WWOX: variants seen among roughly 807,000 people sequenced by gnomAD.
WWOX encodes WW domain containing oxidoreductase.
In WWOX, 69 loss-of-function variants were observed where a neutral mutation model predicts 46.2. The ratio of observed to expected loss-of-function variants is 1.49; its 90% CI spans 1.23 to 1.82. WWOX has a LOEUF of 1.82. WWOX is among the 40% of genes most tolerant of loss of function. WWOX has a pLI of 0.00. For missense variants in WWOX, 919 were observed against 542.6 expected (o/e 1.69, Z -6.89); for synonymous variants, 359 against 202.6 (o/e 1.77, Z -6.56).
chr16:78,442,281 C>G (rs2083462182), intron 8 of WWOX, among the ~76,000 whole-genome samples: 1 of 152,220 alleles, frequency 6.6e-6, no homozygotes, highest in Non-Finnish European at 1.5e-5. Flanking sequence ...GTGGCAAGAA[C>G]ATTGAAAGTC....
chr16:79,206,192 G>C (rs1399890491), intron 8 of WWOX: 1 of 152,172 alleles, frequency 6.6e-6, no homozygotes, highest in African/African-American at 2.4e-5. Flanking sequence ...TTTCATTTTA[G>C]GCCATGTTAG....
chr16:78,278,777 T>C (rs2079626541), intron 5 of WWOX: 1 of 921,212 alleles, frequency 1.1e-6, no homozygotes, highest in African/African-American at 1.7e-5. Context: ...ACATGTACGA[T>C]TTGCAACAAC....
intron 8 of WWOX, among the ~76,000 whole-genome samples, chr16:79,007,468 G>A (rs1336267014): frequency 6.6e-6 from 1 of 152,226 alleles, no homozygotes. Context: ...CCAGGGGATT[G>A]TTAGTAACTG....
At chr16:78,897,217 C>T (rs1465034951) in intron 8 of WWOX, 1 of 113,940 alleles carries the variant, frequency 8.8e-6, no homozygotes, top group Non-Finnish European at 1.6e-5. Flanking sequence ...GCACTCTAGC[C>T]TGGGTGACAG....
intron 8 of WWOX, among the ~76,000 whole-genome samples, chr16:79,067,714 C>A (rs193105204): frequency 6.6e-6 from 1 of 152,120 alleles, no homozygotes; most frequent in Non-Finnish European, 1.5e-5. Flanking sequence ...AGAAGGTAAA[C>A]TCATCTGCAG....
intron 8 of WWOX, among the ~76,000 whole-genome samples, chr16:79,181,806 C>T (rs1425982774): frequency 6.6e-6 from 1 of 152,194 alleles, no homozygotes; most frequent in East Asian, 1.9e-4. Flanking sequence ...AACAATCCCA[C>T]TGCAGGTTTA....
At chr16:79,018,494 C>T (rs1472756683) in intron 8 of WWOX, among the ~76,000 whole-genome samples, 1 of 152,064 alleles carries the variant, frequency 6.6e-6, no homozygotes, top group African/African-American at 2.4e-5. Flanking sequence ...TCTACACAGA[C>T]CCAAGAGGAG....
At chr16:78,999,200 G>C (rs1213959867) in intron 8 of WWOX, among the ~76,000 whole-genome samples, 2 of 151,776 alleles carry the variant, frequency 1.3e-5, no homozygotes, top group African/African-American at 4.8e-5. Context: ...GCCAGGGGCA[G>C]CGGGTCATAC....
rs762256942 is a variant in WWOX, at chr16:78,711,657, C to T, written c.1056+278905C>T. Among the ~76,000 whole-genome samples, 13 of 152,192 alleles carry T rather than the reference C, an allele frequency of 8.5e-5. No individual in the cohort carries two copies. The East Asian group carries it at 9.7e-4, about 11-fold the overall frequency. On this transcript the variant is annotated intron_variant, in intron 8 of 8. Coordinates refer to ENST00000566780, the MANE Select transcript of WWOX (RefSeq NM_016373.4). ...CATCGTCTGATAAATGTATTTGAGA[C>T]GAACAGGCCAAATGAAAGAACCTTC... is the stretch of plus-strand genomic sequence containing the variant.
At chr16:78,186,621 C>T (rs576324002) in intron 5 of WWOX, among the ~76,000 whole-genome samples, 130 of 152,174 alleles carry the variant, frequency 8.5e-4, no homozygotes, top group African/African-American at 2.8e-3. Flanking sequence ...AAAAGTTAGC[C>T]GGGCGTGGTG....
intron 8 of WWOX, among the ~76,000 whole-genome samples, chr16:79,025,535 C>G (rs1230924976): frequency 2.0e-5 from 3 of 152,146 alleles, no homozygotes; most frequent in East Asian, 1.9e-4. Flanking sequence ...CCAGGGAGCA[C>G]TGAGGGCTGC....
chr16:78,713,099 C>A (rs986086398), intron 8 of WWOX, among the ~76,000 whole-genome samples: 1 of 151,430 alleles, frequency 6.6e-6, no homozygotes, highest in South Asian at 2.1e-4. Context: ...GGGAGACCCT[C>A]ATCTCTACAC....
intron 8 of WWOX, among the ~76,000 whole-genome samples, chr16:78,524,836 T>TG (rs946972505): frequency 1.3e-5 from 2 of 149,920 alleles, no homozygotes; most frequent in Non-Finnish European, 3.0e-5. Flanking sequence ...TTTTTTTTTT[T>TG]AAAGAATGCG....
At chr16:79,192,120 G>A (rs1249672907) in intron 8 of WWOX, among the ~76,000 whole-genome samples, 7 of 152,170 alleles carry the variant, frequency 4.6e-5, no homozygotes, top group East Asian at 1.9e-4. Context: ...TTAACACCTC[G>A]TGTAATATTA....
rs753862961 is a variant in WWOX at position 78,108,514 on chromosome 16, T to C, written c.172+27T>C. ...TTTGTATGTTGTTGTCTAAGGATCT[T>C]GGATGGAAGCATTAAGTAGATGAGG... On this transcript the variant is annotated intron_variant, in intron 2 of 8. Coordinates refer to ENST00000566780, the MANE Select transcript of WWOX (RefSeq NM_016373.4). The C allele has an allele frequency of 5.0e-6, 8 of 1,612,672 alleles. 1 individual carries two copies. The highest frequency in any genetic ancestry group is 1.7e-4 in the Middle Eastern group (1 of 6,056).
chr16:78,355,610 AT>A (rs2081269526), intron 5 of WWOX: 1 of 558,914 alleles, frequency 1.8e-6, no homozygotes, highest in East Asian at 4.4e-5. Context: ...AGAGGAGCGA[AT>A]TTGTGTGAAA....
chr16:78,225,142 C>G (rs1481145541), intron 5 of WWOX, among the ~76,000 whole-genome samples: 1 of 152,136 alleles, frequency 6.6e-6, no homozygotes, highest in Non-Finnish European at 1.5e-5. Context: ...GATGGATAGC[C>G]TACTACACAT....
intron 4 of WWOX, among the ~76,000 whole-genome samples, chr16:78,131,956 T>A (rs1597245112): frequency 6.6e-6 from 1 of 151,420 alleles, no homozygotes; most frequent in East Asian, 1.9e-4. Flanking sequence ...AAAGAACTTT[T>A]GCTATTTTGA....
intron 8 of WWOX, among the ~76,000 whole-genome samples, chr16:78,698,135 TTC>T (rs1412957937): frequency 6.6e-6 from 1 of 152,224 alleles, no homozygotes; most frequent in Non-Finnish European, 1.5e-5. Flanking sequence ...GAGGTTTCTC[TTC>T]TATGAAATTC....
Sources: allele counts gnomAD v4.1 joint callset (sites outside exome capture counted in the v4.1 genomes callset), GRCh38; gene constraint gnomAD v4.1.1; transcripts MANE v1.5; gene names NCBI Gene and HGNC (gene_info 2026-07-23, HGNC 2026-07-21).